CPNE2: variants seen among roughly 807,000 people sequenced by gnomAD.
CPNE2 encodes the protein copine-2.
Under a neutral mutation model 69.7 loss-of-function variants are expected in CPNE2, and 42 were observed. The ratio of observed to expected loss-of-function variants is 0.60; its 90% confidence interval spans 0.47 to 0.78. The LOEUF is 0.78. CPNE2 is among the 30% of genes least tolerant of loss of function. The pLI, the probability that CPNE2 is intolerant of heterozygous loss-of-function variation, is 0.00. For missense variants in CPNE2, 587 were observed against 732.0 expected (o/e 0.80, Z 2.29); for synonymous variants, 294 against 289.8 (o/e 1.01, Z -0.15).
chr16:57,106,739 G>C (rs1212385931), intron 1 of CPNE2, among the ~76,000 whole-genome samples: 1 of 152,186 alleles, frequency 6.6e-6, no homozygotes. Flanking sequence ...AATGGTGGGA[G>C]ATGCAGGGGT....
At chr16:57,125,738 G>T (rs1391480265) in intron 10 of CPNE2, 122 bp from the exon 11 acceptor site, 1 of 1,218,658 alleles carries the variant, frequency 8.2e-7, no homozygotes, top group African/African-American at 1.5e-5. Context: ...CCATCTTATT[G>T]TGGGGAGGGC....
chr16:57,147,839 T>C lies in CPNE2; in HGVS notation c.*181T>C. On this transcript the variant is annotated 3_prime_UTR_variant, in exon 16 of 16. Coordinates refer to ENST00000290776, the MANE Select transcript of CPNE2 (RefSeq NM_152727.6). ...CTGGGCTTCCTTTGTTGGAGTCAAC[T>C]GTTGATGCTTCCAGGCCAAACTGGC... The C allele has an allele frequency of 2.3e-6, 1 of 437,398 alleles. No individual in the cohort carries two copies. Among genetic ancestry groups the C allele is most frequent in the Non-Finnish European group, 4.1e-6 (1 of 246,654 alleles). 27.1% of individuals were successfully genotyped at this position (437,398 alleles called of 1,614,324 possible).
At chr16:57,120,987 G>A (rs2069757198) in intron 7 of CPNE2, 106 bp from the exon 8 acceptor site, 2 of 736,112 alleles carry the variant, frequency 2.7e-6, no homozygotes, top group South Asian at 1.8e-5. Context: ...GCTGAGGAGA[G>A]GCACTACCCA....
intron 2 of CPNE2, among the ~76,000 whole-genome samples, chr16:57,112,437 GC>G (rs2069687550): frequency 1.3e-5 from 2 of 151,388 alleles, no homozygotes; most frequent in Non-Finnish European, 2.9e-5. Context: ...GACAACCTCT[GC>G]CCCCACCCAG....
At chr16:57,144,947 G>GA (rs2069946697) in intron 14 of CPNE2, 1 of 151,734 alleles carries the variant, frequency 6.6e-6, no homozygotes, top group South Asian at 2.1e-4. Flanking sequence ...AAAAAAAAAA[G>GA]AAAAAAGAGT....
intron 14 of CPNE2, chr16:57,140,832 T>G (rs1187491553): frequency 6.6e-6 from 1 of 151,254 alleles, no homozygotes; most frequent in African/African-American, 2.4e-5. Context: ...CCCAAAGTGC[T>G]GGGATTACAG....
In CPNE2 at chr16:57,113,473, C is replaced by T; in HGVS notation, c.360+6C>T. On this transcript the variant is annotated splice_donor_region_variant and intron_variant, in intron 3 of 15. Transcript: ENST00000290776. ...TCTCCTGCAGCCTGGGCACGGTGAG[C>T]TGGGCCCTCCTGGGTGGGAGCAGGG... 1 of 1,611,862 alleles carries T rather than the reference C, an allele frequency of 6.2e-7. No individual in the cohort carries two copies. Among genetic ancestry groups the T allele is most frequent in the Non-Finnish European group, 8.5e-7 (1 of 1,178,696 alleles).
intron 12 of CPNE2, 33 bp downstream of exon 12, chr16:57,127,936 T>C (rs1315504997): frequency 6.2e-7 from 1 of 1,610,576 alleles, no homozygotes; most frequent in Non-Finnish European, 8.5e-7. Context: ...TCCTTTTGGT[T>C]GAGATGGGGT....
intron 9 of CPNE2, among the ~76,000 whole-genome samples, chr16:57,122,614 A>G (rs2069771241): frequency 6.6e-6 from 1 of 152,052 alleles, no homozygotes; most frequent in Non-Finnish European, 1.5e-5. Flanking sequence ...TGTTTTTGAG[A>G]CAGAGTCTCA....
chr16:57,101,308 T>C (rs1386903178), intron 1 of CPNE2, among the ~76,000 whole-genome samples: 1 of 152,222 alleles, frequency 6.6e-6, no homozygotes, highest in African/African-American at 2.4e-5. Flanking sequence ...ACTAATATGG[T>C]TGCCATTTAT....
intron 1 of CPNE2, among the ~76,000 whole-genome samples, chr16:57,097,928 G>A (rs1369582322): frequency 1.3e-5 from 2 of 152,248 alleles, no homozygotes; most frequent in Non-Finnish European, 2.9e-5. Context: ...GGAGGGGAAG[G>A]AGCTGAGGCC....
intron 14 of CPNE2, among the ~76,000 whole-genome samples, chr16:57,145,252 C>T (rs1480347353): frequency 6.6e-6 from 1 of 152,158 alleles, no homozygotes; most frequent in Non-Finnish European, 1.5e-5. Flanking sequence ...GGGCTTCCTG[C>T]CTTCCCTTTC....
chr16:57,114,432 T>A (rs1370546314), intron 3 of CPNE2, among the ~76,000 whole-genome samples: 2 of 150,694 alleles, frequency 1.3e-5, no homozygotes, highest in African/African-American at 4.9e-5. Flanking sequence ...GAAGCTCCCA[T>A]CAAACGGGGG....
chr16:57,133,115 A>T (rs1257537603), intron 12 of CPNE2, among the ~76,000 whole-genome samples: 2 of 152,088 alleles, frequency 1.3e-5, no homozygotes, highest in Admixed American at 1.3e-4. Flanking sequence ...CCTCCATACA[A>T]GCCCCCCTCG....
Position 57,146,669 on chromosome 16 carries a change from G to A in CPNE2, c.1539+348G>A. 4.4e-6 allele frequency: 1 copy of A among 226,236 alleles called. No individual in the cohort carries two copies. The highest frequency in any genetic ancestry group is 1.1e-4 in the East Asian group (1 of 8,808). 14.0% of individuals were successfully genotyped at this position (226,236 alleles called of 1,614,324 possible). A position where few individuals can be genotyped will look rare whatever the true frequency, so the allele number is the denominator to read the frequency against. On this transcript the variant is annotated intron_variant, in intron 15 of 15. Coordinates refer to ENST00000290776, the MANE Select transcript of CPNE2 (RefSeq NM_152727.6). The surrounding 1 kb of genome is among the most constrained non-coding windows in gnomAD (Gnocchi z 4.4). ...GGTGTAAAGTGCAGGAGGAGAGAGG[G>A]GTTTTCCTGATCATCACGCCCCAGC...
intron 2 of CPNE2, among the ~76,000 whole-genome samples, chr16:57,112,181 A>G (rs2069685502): frequency 6.6e-6 from 1 of 152,162 alleles, no homozygotes; most frequent in South Asian, 2.1e-4. Flanking sequence ...TTGTTGACCC[A>G]CTTTACAGAG....
At chr16:57,122,774 G>A (rs1342168243) in intron 9 of CPNE2, among the ~76,000 whole-genome samples, 1 of 152,030 alleles carries the variant, frequency 6.6e-6, no homozygotes, top group Non-Finnish European at 1.5e-5. Flanking sequence ...TGTGTTTTTA[G>A]TAGAGATGGG....
At chr16:57,096,521 G>A (rs536632512) in intron 1 of CPNE2, among the ~76,000 whole-genome samples, 25 of 151,944 alleles carry the variant, frequency 1.6e-4, no homozygotes, top group East Asian at 7.8e-4. Flanking sequence ...GCAAAAACCC[G>A]TCTTTACCAA....
intron 11 of CPNE2, among the ~76,000 whole-genome samples, chr16:57,127,451 T>C (rs1597500854): frequency 6.6e-6 from 1 of 152,076 alleles, no homozygotes; most frequent in Non-Finnish European, 1.5e-5. Flanking sequence ...CACAGGAGGG[T>C]TCTCATATTA....
Sources: allele counts gnomAD v4.1 joint callset (sites outside exome capture counted in the v4.1 genomes callset), GRCh38; gene constraint gnomAD v4.1.1; non-coding constraint Gnocchi (gnomAD v3.1); transcripts MANE v1.5; gene names NCBI Gene and HGNC (gene_info 2026-07-23, HGNC 2026-07-21).